The following CTDSPL variants were observed in gnomAD, a reference collection of about 807,000 sequenced individuals.
CTDSPL encodes the protein CTD small phosphatase like.
CTDSPL carries 8 observed loss-of-function variants against 30.5 expected under a neutral mutation model. That is an observed-to-expected ratio of 0.26 (90% confidence interval 0.15 to 0.47). The LOEUF is 0.47. Ranked by LOEUF, CTDSPL falls within the 20% of genes least tolerant of loss-of-function variation. The pLI is 0.99. For synonymous variants in CTDSPL, 110 were observed against 137.9 expected (o/e 0.80, Z 1.42); for missense variants, 248 against 366.1 (o/e 0.68, Z 2.63).
intron 1 of CTDSPL, among the ~76,000 whole-genome samples, chr3:37,894,022 G>A (rs1397782579): frequency 6.6e-6 from 1 of 152,178 alleles, no homozygotes; most frequent in African/African-American, 2.4e-5. Flanking sequence ...TAAACTTAAT[G>A]TAAAGTTCAC....
chr3:37,963,692 G>A (rs6801985), intron 3 of CTDSPL, among the ~76,000 whole-genome samples: 31,041 of 152,096 alleles, frequency 0.2, 3,845 homozygotes, highest in African/African-American at 0.34. Flanking sequence ...AGGTTGGCCA[G>A]AGATACCTAG....
intron 4 of CTDSPL, among the ~76,000 whole-genome samples, chr3:37,965,724 C>G (rs2125631112): frequency 6.6e-6 from 1 of 152,310 alleles, no homozygotes; most frequent in Middle Eastern, 3.4e-3. Context: ...CAGAAACATC[C>G]TTCTTTGTTC....
intron 7 of CTDSPL, among the ~76,000 whole-genome samples, chr3:37,976,922 G>C (rs889729845): frequency 5.9e-5 from 9 of 152,094 alleles, no homozygotes; most frequent in African/African-American, 2.2e-4. Context: ...CCCTAGACCA[G>C]GCATTTTTCC....
At chr3:37,925,964 C>T (rs747391192) in intron 1 of CTDSPL, among the ~76,000 whole-genome samples, 62 of 152,266 alleles carry the variant, frequency 4.1e-4, no homozygotes, top group African/African-American at 5.1e-4. Context: ...TCTCTCTTCC[C>T]GCTGGAATCT....
At chr3:37,960,122 G>C (rs1339491077) in intron 3 of CTDSPL, among the ~76,000 whole-genome samples, 1 of 152,076 alleles carries the variant, frequency 6.6e-6, no homozygotes, top group African/African-American at 2.4e-5. Flanking sequence ...GAGGTGGGCG[G>C]ATCACCTGAG....
At chr3:37,919,472 C>A (rs924221077) in intron 1 of CTDSPL, among the ~76,000 whole-genome samples, 2 of 152,164 alleles carry the variant, frequency 1.3e-5, no homozygotes, top group Non-Finnish European at 2.9e-5. Flanking sequence ...ATTTTCACCT[C>A]CAACTTTTTT....
chr3:37,883,426 C>G (rs1472039716), intron 1 of CTDSPL, among the ~76,000 whole-genome samples: 1 of 152,224 alleles, frequency 6.6e-6, no homozygotes, highest in African/African-American at 2.4e-5. Context: ...ACAAATATTA[C>G]ATCTTAATTT....
At chr3:37,905,616 TG>T (rs1698506648) in intron 1 of CTDSPL, among the ~76,000 whole-genome samples, 1 of 152,166 alleles carries the variant, frequency 6.6e-6, no homozygotes, top group African/African-American at 2.4e-5. Flanking sequence ...GTGCCACAGC[TG>T]GGCACTGCAG....
intron 1 of CTDSPL, among the ~76,000 whole-genome samples, chr3:37,882,153 C>A (rs985495142): frequency 2.0e-5 from 3 of 151,758 alleles, no homozygotes; most frequent in Non-Finnish European, 2.9e-5. Context: ...AGTAAAAATA[C>A]AAATATTGGC....
chr3:37,906,663 A>G (rs938462988), intron 1 of CTDSPL, among the ~76,000 whole-genome samples: 4 of 152,164 alleles, frequency 2.6e-5, no homozygotes, highest in Non-Finnish European at 5.9e-5. Context: ...GACAAGAGCC[A>G]CTGATGCCCT....
intron 1 of CTDSPL, among the ~76,000 whole-genome samples, chr3:37,925,988 G>A (rs1698777179): frequency 1.3e-5 from 2 of 152,142 alleles, no homozygotes; most frequent in Admixed American, 1.3e-4. Flanking sequence ...CTCAATAAGG[G>A]CAGGAATTTT....
At chr3:37,957,918 A>G (rs1270269426) in intron 3 of CTDSPL, among the ~76,000 whole-genome samples, 1 of 152,244 alleles carries the variant, frequency 6.6e-6, no homozygotes, top group African/African-American at 2.4e-5. Flanking sequence ...TACAGTTGAG[A>G]TGCCTGTATC....
At chr3:37,930,116 G>GAAAA (rs758743705) in intron 1 of CTDSPL, among the ~76,000 whole-genome samples, 11 of 119,986 alleles carry the variant, frequency 9.2e-5, no homozygotes, top group South Asian at 2.7e-4. Flanking sequence ...CAAAAAAAAA[G>GAAAA]AAAAAAAAAA....
At chr3:37,885,062 C>T (rs928561303) in intron 1 of CTDSPL, among the ~76,000 whole-genome samples, 2 of 152,118 alleles carry the variant, frequency 1.3e-5, no homozygotes, top group South Asian at 2.1e-4. Context: ...GCCCAGCAGG[C>T]TTCACAGAGC....
intron 1 of CTDSPL, among the ~76,000 whole-genome samples, chr3:37,942,842 A>G (rs1698993314): frequency 6.7e-6 from 1 of 150,268 alleles, no homozygotes; most frequent in Non-Finnish European, 1.5e-5. Flanking sequence ...CACCTAGGCA[A>G]GTTGGCATTG....
chr3:37,917,349 T>G lies in CTDSPL; in HGVS notation c.80-29708T>G, dbSNP rs1013165530. Among the ~76,000 whole-genome samples, 4 of 152,228 alleles carry G rather than the reference T, an allele frequency of 2.6e-5. No individual in the cohort carries two copies. The East Asian group carries it at 7.7e-4, about 29-fold the overall frequency. The stretch of plus-strand genomic sequence containing the variant: ...TATGAATAATCTTGCTAATGTAAAG[T>G]GAGCTTTCTTCCTGGTTTATATACA... On this transcript the variant is annotated intron_variant, in intron 1 of 7. Transcript: ENST00000273179.
chr3:37,961,596 T>G (rs183236001), intron 3 of CTDSPL, among the ~76,000 whole-genome samples: 58 of 152,316 alleles, frequency 3.8e-4, no homozygotes, highest in Non-Finnish European at 5.1e-4. Context: ...TGCCTAAGGC[T>G]TTTAATACAG....
At chr3:37,964,488 T>A (rs1699278395) in intron 3 of CTDSPL, 83 bp from the exon 4 acceptor site, 3 of 878,782 alleles carry the variant, frequency 3.4e-6, no homozygotes, top group Non-Finnish European at 5.5e-6. Flanking sequence ...ACCAGGCATT[T>A]AAATGTTTGA....
intron 3 of CTDSPL, among the ~76,000 whole-genome samples, chr3:37,961,805 A>G (rs902890494): frequency 5.3e-5 from 8 of 152,202 alleles, no homozygotes; most frequent in African/African-American, 1.9e-4. Context: ...CAATAATCCA[A>G]TGTACCAGGA....
Sources: allele counts gnomAD v4.1 joint callset (sites outside exome capture counted in the v4.1 genomes callset), GRCh38; gene constraint gnomAD v4.1.1; transcripts MANE v1.5; gene names NCBI Gene and HGNC (gene_info 2026-07-23, HGNC 2026-07-21).